Variants in SAMD12 observed in about 807,000 individuals in gnomAD.
The protein encoded by SAMD12 is sterile alpha motif domain containing 12.
In SAMD12, 9 loss-of-function variants were observed where a neutral mutation model predicts 15.0. The observed-to-expected ratio is 0.60, with a 90% confidence interval of 0.36 to 1.05. The LOEUF is 1.05. SAMD12 is among the 50% of genes least tolerant of loss of function. SAMD12 has a pLI of 0.01. For missense variants in SAMD12, 230 were observed against 234.2 expected, an observed-to-expected ratio of 0.98 and a Z score of 0.12; for synonymous variants, 86 against 90.1, an observed-to-expected ratio of 0.96 and a Z score of 0.25.
At chr8:118,572,036 A>G (rs954995580) in intron 2 of SAMD12, among the ~76,000 whole-genome samples, 9 of 152,190 alleles carry the variant, frequency 5.9e-5, no homozygotes, top group African/African-American at 2.2e-4. Flanking sequence ...GAGGCTGTAC[A>G]TGCAAACCCA....
At position 118,366,812 on chromosome 8, in the gene SAMD12, CAAATAAAATA is replaced by C. The variant is rs1554643154; in HGVS notation, c.433+12738_433+12747del. On this transcript the variant is annotated intron_variant, in intron 4 of 4. Transcript: ENST00000409003. ...GGGCAACAAGAGTGAAACTCTGTCT[CAAATAAAATA>C]AAATAAAATAAAATAAAATAAAATA... Among the ~76,000 whole-genome samples the C allele has an allele frequency of 4.2e-3, 327 of 78,030 alleles. 10 individuals are homozygous for C. In the East Asian group the frequency reaches 0.058, roughly 14 times the overall value. The allele number at this position is 78,030 out of a possible 152,430, so 51.2% of individuals were successfully genotyped here.
the SAMD12 span, among the ~76,000 whole-genome samples, chr8:118,149,882 C>A: frequency 6.6e-5 from 10 of 152,146 alleles, no homozygotes; most frequent in Non-Finnish European, 1.3e-4. Flanking sequence ...AATTAATTGA[C>A]CATATACATA....
chr8:118,593,863 T>C (rs1185293973), intron 1 of SAMD12, among the ~76,000 whole-genome samples: 1 of 152,204 alleles, frequency 6.6e-6, no homozygotes, highest in Non-Finnish European at 1.5e-5. Flanking sequence ...AAAATAAACA[T>C]AATGCCACTA....
intron 2 of SAMD12, among the ~76,000 whole-genome samples, chr8:118,550,772 T>A (rs907274362): frequency 1.3e-5 from 2 of 151,382 alleles, no homozygotes; most frequent in African/African-American, 4.9e-5. Context: ...GTGTGTTGTA[T>A]TCAGGAAACC....
intron 1 of SAMD12, among the ~76,000 whole-genome samples, chr8:118,594,526 G>C (rs1380163196): frequency 6.6e-6 from 1 of 152,136 alleles, no homozygotes; most frequent in Non-Finnish European, 1.5e-5. Flanking sequence ...TTACGTTGTA[G>C]ATGATATAGT....
intron 4 of SAMD12, among the ~76,000 whole-genome samples, chr8:118,224,747 C>T (rs1480037129): frequency 6.6e-6 from 1 of 152,120 alleles, no homozygotes; most frequent in Non-Finnish European, 1.5e-5. Context: ...TCAGAAAAGG[C>T]AAAATTGCCT....
intron 1 of SAMD12, among the ~76,000 whole-genome samples, chr8:118,601,233 G>A (rs1159546385): frequency 6.6e-6 from 1 of 151,970 alleles, no homozygotes; most frequent in Non-Finnish European, 1.5e-5. Flanking sequence ...AAAATGTAGG[G>A]AAATGTTACT....
intron 2 of SAMD12, among the ~76,000 whole-genome samples, chr8:118,511,456 T>C (rs377563299): frequency 1.4e-4 from 21 of 151,924 alleles, no homozygotes; most frequent in African/African-American, 4.8e-4. Flanking sequence ...GTTTTTGTTT[T>C]TTTTTTAAAT....
At chr8:118,311,019 T>C (rs1241762208) in intron 4 of SAMD12, among the ~76,000 whole-genome samples, 1 of 152,224 alleles carries the variant, frequency 6.6e-6, no homozygotes, top group African/African-American at 2.4e-5. Context: ...ACACTAAATG[T>C]TCTCTGTTAC....
chr8:118,164,299 C>T, the SAMD12 span, among the ~76,000 whole-genome samples: 4 of 152,148 alleles, frequency 2.6e-5, no homozygotes, highest in African/African-American at 7.2e-5. Context: ...GAAGCATCTC[C>T]TCTTGTCTTC....
At chr8:118,457,443 C>T (rs992156180) in intron 2 of SAMD12, among the ~76,000 whole-genome samples, 4 of 151,678 alleles carry the variant, frequency 2.6e-5, no homozygotes, top group African/African-American at 9.7e-5. Context: ...GTTGCCCAGG[C>T]TAGTCTTCAA....
At chr8:118,429,154 G>T (rs1479671184) in intron 3 of SAMD12, among the ~76,000 whole-genome samples, 1 of 152,034 alleles carries the variant, frequency 6.6e-6, no homozygotes, top group Admixed American at 6.6e-5. Context: ...GATATATTTT[G>T]TTTAGCTATT....
At chr8:118,383,873 G>A (rs1819805301) in intron 3 of SAMD12, among the ~76,000 whole-genome samples, 1 of 152,080 alleles carries the variant, frequency 6.6e-6, no homozygotes, top group African/African-American at 2.4e-5. Flanking sequence ...GATAAGTAGT[G>A]TCTTCTGCCT....
At chr8:118,252,694 C>A (rs1812846957) in intron 4 of SAMD12, among the ~76,000 whole-genome samples, 2 of 152,046 alleles carry the variant, frequency 1.3e-5, no homozygotes. Context: ...CTCCTCCCAC[C>A]CTTTCCTGTC....
At chr8:118,523,018 A>G (rs1164187637) in intron 2 of SAMD12, among the ~76,000 whole-genome samples, 1 of 152,158 alleles carries the variant, frequency 6.6e-6, no homozygotes, top group African/African-American at 2.4e-5. Context: ...TGAAAATGCA[A>G]TTTTATTGGG....
At chr8:118,546,966 T>C (rs1162495773) in intron 2 of SAMD12, among the ~76,000 whole-genome samples, 1 of 152,232 alleles carries the variant, frequency 6.6e-6, no homozygotes, top group Non-Finnish European at 1.5e-5. Context: ...GAAAACCATT[T>C]TTCTTTTCTT....
At chr8:118,247,988 T>A (rs1414163653) in intron 4 of SAMD12, among the ~76,000 whole-genome samples, 1 of 152,144 alleles carries the variant, frequency 6.6e-6, no homozygotes, top group Non-Finnish European at 1.5e-5. Flanking sequence ...CTATGCCAAA[T>A]GGTGCCAGAC....
chr8:118,333,013 C>T (rs943748100), intron 4 of SAMD12, among the ~76,000 whole-genome samples: 1 of 152,194 alleles, frequency 6.6e-6, no homozygotes, highest in African/African-American at 2.4e-5. Flanking sequence ...GGGACTCTTG[C>T]AGGCAGGGAA....
chr8:118,461,825 C>T (rs75327025), intron 2 of SAMD12, among the ~76,000 whole-genome samples: 2,616 of 152,254 alleles, frequency 0.017, 92 homozygotes, highest in African/African-American at 0.059. Context: ...ATCGGGGAAA[C>T]ATGCTCTCTG....
Sources: allele counts gnomAD v4.1 joint callset (sites outside exome capture counted in the v4.1 genomes callset), GRCh38; gene constraint gnomAD v4.1.1; transcripts MANE v1.5; gene names NCBI Gene and HGNC (gene_info 2026-07-23, HGNC 2026-07-21).